PHF21A: variants seen among roughly 807,000 people sequenced by gnomAD.
The protein encoded by PHF21A is PHD finger protein 21A, also known as BHC80a.
A neutral mutation model predicts 82.5 loss-of-function variants in PHF21A; 11 were observed. The observed-to-expected ratio is 0.13, with a 90% CI of 0.08 to 0.22. The LOEUF is 0.22. Among genes scored for constraint, PHF21A ranks in the 10% least tolerant of loss-of-function variants. PHF21A has a pLI of 1.00. For missense variants in PHF21A, 579 were observed against 837.8 expected (o/e 0.69, Z 3.81); for synonymous variants, 297 against 302.8 (o/e 0.98, Z 0.20).
chr11:46,039,439 G>A (rs928041452), intron 6 of PHF21A, among the ~76,000 whole-genome samples: 5 of 152,144 alleles, frequency 3.3e-5, no homozygotes, highest in Admixed American at 1.3e-4. Flanking sequence ...GTGGATACAT[G>A]GGGAAGCCTG....
chr11:46,121,237 G>A lies in PHF21A; in HGVS notation c.-539C>T, dbSNP rs1347717706. The A allele has an allele frequency of 6.6e-6, 1 of 151,010 alleles. No individual in the cohort carries two copies. Among genetic ancestry groups the A allele is most frequent in the Non-Finnish European group, 1.5e-5 (1 of 68,594 alleles). 9.4% of individuals were successfully genotyped at this position (151,010 alleles called of 1,614,324 possible). A position where few individuals can be genotyped will look rare whatever the true frequency, so the allele number is the denominator to read the frequency against. ...TCTTTCCTCCTCTTCCCCAGGCAAGGGGGGGTGGGGAGGAGGGGGTTGGGG... is the reference window on the plus strand; with the variant it reads ...TCTTTCCTCCTCTTCCCCAGGCAAGAGGGGGTGGGGAGGAGGGGGTTGGGG... On this transcript the variant is annotated 5_prime_UTR_variant, in exon 1 of 19. Transcript: ENST00000676320.
chr11:46,012,032 T>C (rs2095424255), intron 6 of PHF21A, among the ~76,000 whole-genome samples: 1 of 152,186 alleles, frequency 6.6e-6, no homozygotes, highest in South Asian at 2.1e-4. Context: ...CCACTTCTAC[T>C]ATGTTCTCCC....
intron 6 of PHF21A, among the ~76,000 whole-genome samples, chr11:46,005,161 GA>G (rs2095264297): frequency 6.6e-6 from 1 of 152,110 alleles, no homozygotes; most frequent in African/African-American, 2.4e-5. Context: ...TGAAAAATCT[GA>G]AATCCAAAAT....
chr11:46,065,533 G>C (rs1175315613), intron 6 of PHF21A, among the ~76,000 whole-genome samples: 2 of 152,150 alleles, frequency 1.3e-5, no homozygotes, highest in Non-Finnish European at 2.9e-5. Flanking sequence ...CTCCTTATTT[G>C]AATCAATAAA....
At chr11:45,934,701 G>A in intron 18 of PHF21A, 1 of 310,036 alleles carries the variant, frequency 3.2e-6, no homozygotes. Context: ...TCTGAGGGCA[G>A]CAGGAAGTGA....
chr11:46,095,840 T>A (rs928151076), intron 1 of PHF21A, among the ~76,000 whole-genome samples: 1 of 152,214 alleles, frequency 6.6e-6, no homozygotes, highest in Non-Finnish European at 1.5e-5. Flanking sequence ...ATTAAGTTTA[T>A]AGCCTGTGCT....
At chr11:46,099,523 GACACACACACACAC>G (rs71038882) in intron 1 of PHF21A, among the ~76,000 whole-genome samples, 48 of 137,592 alleles carry the variant, frequency 3.5e-4, no homozygotes, top group African/African-American at 9.0e-4. Context: ...AGAAAAATTA[GACACACACACACAC>G]ACACACACAC....
chr11:46,038,894 T>G (rs2096069223), intron 6 of PHF21A, among the ~76,000 whole-genome samples: 1 of 152,180 alleles, frequency 6.6e-6, no homozygotes, highest in Non-Finnish European at 1.5e-5. Context: ...CATTGGGGAT[T>G]AAGTTTCCAA....
intron 6 of PHF21A, among the ~76,000 whole-genome samples, chr11:46,017,160 G>A (rs905347956): frequency 5.3e-5 from 8 of 151,908 alleles, no homozygotes; most frequent in Admixed American, 1.3e-4. Context: ...TAGCAGAGAC[G>A]GGGTTTCTCC....
chr11:45,937,485 G>T (rs181360844), intron 16 of PHF21A, among the ~76,000 whole-genome samples: 2 of 152,212 alleles, frequency 1.3e-5, no homozygotes, highest in East Asian at 1.9e-4. Flanking sequence ...TTTATTATTA[G>T]TATTATTTTT....
intron 8 of PHF21A, 93 bp from the exon 9 acceptor site, chr11:45,969,997 C>A: frequency 1.2e-6 from 1 of 856,844 alleles, no homozygotes; most frequent in Non-Finnish European, 1.9e-6. Context: ...TTGGATCAGA[C>A]AATATTTTCT....
intron 4 of PHF21A, among the ~76,000 whole-genome samples, chr11:46,080,384 C>G (rs2096776071): frequency 6.6e-6 from 1 of 151,858 alleles, no homozygotes; most frequent in African/African-American, 2.4e-5. Context: ...GTCTTGAACT[C>G]CTAGGCTCAA....
At chr11:45,992,770 A>C (rs1005388429) in intron 6 of PHF21A, among the ~76,000 whole-genome samples, 1 of 152,240 alleles carries the variant, frequency 6.6e-6, no homozygotes, top group Non-Finnish European at 1.5e-5. Context: ...AACTATATAC[A>C]AAATATAACA....
At chr11:46,104,847 T>C (rs2097136702) in intron 1 of PHF21A, among the ~76,000 whole-genome samples, 1 of 152,126 alleles carries the variant, frequency 6.6e-6, no homozygotes. Context: ...TTTATTGGAG[T>C]GAGCTTAAAT....
intron 6 of PHF21A, among the ~76,000 whole-genome samples, chr11:46,009,940 T>A (rs1231546085): frequency 6.6e-6 from 1 of 152,234 alleles, no homozygotes; most frequent in East Asian, 1.9e-4. Context: ...CGTCAGTCAC[T>A]TTACAGTATT....
chr11:45,958,449 T>TATACACACAC (rs780397923), intron 10 of PHF21A, among the ~76,000 whole-genome samples: 369 of 14,956 alleles, frequency 0.025, 9 homozygotes, highest in Non-Finnish European at 0.035. Flanking sequence ...TATATATATA[T>TATACACACAC]ACACACACAC....
chr11:46,082,862 C>T (rs1485427828), intron 4 of PHF21A, among the ~76,000 whole-genome samples: 1 of 152,082 alleles, frequency 6.6e-6, no homozygotes, highest in Non-Finnish European at 1.5e-5. Flanking sequence ...TGAAGAGGAA[C>T]TAAAGCAGAA....
chr11:46,109,991 A>C (rs946814740), intron 1 of PHF21A, among the ~76,000 whole-genome samples: 2 of 151,996 alleles, frequency 1.3e-5, no homozygotes, highest in Non-Finnish European at 2.9e-5. Context: ...AAAAAAAAAA[A>C]AAAAAAGTAC....
intron 3 of PHF21A, among the ~76,000 whole-genome samples, chr11:46,084,741 G>A (rs1312272577): frequency 6.6e-6 from 1 of 150,800 alleles, no homozygotes; most frequent in Non-Finnish European, 1.5e-5. Context: ...GTGCAGTGGT[G>A]CAATCTCAGC....
Sources: allele counts gnomAD v4.1 joint callset (sites outside exome capture counted in the v4.1 genomes callset), GRCh38; gene constraint gnomAD v4.1.1; transcripts MANE v1.5; gene names NCBI Gene and HGNC (gene_info 2026-07-23, HGNC 2026-07-21).